ASPH: variants seen among roughly 807,000 people sequenced by gnomAD.
ASPH encodes aspartyl/asparaginyl beta-hydroxylase.
Under a neutral mutation model 118.4 loss-of-function variants are expected in ASPH, and 100 were observed. That is an observed-to-expected ratio of 0.84 (90% CI 0.72 to 1.00). The LOEUF (loss-of-function observed/expected upper bound fraction) is 1.00, where lower values mean the gene tolerates loss of function less well. ASPH is among the 50% of genes least tolerant of loss of function. The pLI is 0.00. For synonymous variants in ASPH, 315 were observed against 325.6 expected, an observed-to-expected ratio of 0.97 and a Z score of 0.35; for missense variants, 920 against 919.5, an observed-to-expected ratio of 1.00 and a Z score of -0.01.
chr8:61,648,356 G>C (rs1385658386), intron 5 of ASPH, among the ~76,000 whole-genome samples: 2 of 152,150 alleles, frequency 1.3e-5, no homozygotes, highest in African/African-American at 4.8e-5. Context: ...ATGCTCTCAG[G>C]TGTTAGAGAA....
At chr8:61,536,849 G>A (rs972134923) in intron 21 of ASPH, among the ~76,000 whole-genome samples, 4 of 152,162 alleles carry the variant, frequency 2.6e-5, no homozygotes, top group African/African-American at 4.8e-5. Context: ...ACTGCAGGTT[G>A]TGGGTCAAAA....
intron 12 of ASPH, among the ~76,000 whole-genome samples, chr8:61,636,966 G>A (rs547527486): frequency 9.2e-5 from 14 of 152,022 alleles, no homozygotes; most frequent in Non-Finnish European, 1.6e-4. Flanking sequence ...GCAGCTAAGC[G>A]GACACAGACA....
chr8:61,633,566 C>T, intron 13 of ASPH, 117 bp downstream of exon 13: 1 of 833,820 alleles, frequency 1.2e-6, no homozygotes, highest in East Asian at 2.8e-5. Context: ...AATTAAGGTA[C>T]AGTTAATCTC....
chr8:61,674,899 C>G (rs1420293577), intron 3 of ASPH, among the ~76,000 whole-genome samples: 4 of 152,118 alleles, frequency 2.6e-5, no homozygotes, highest in Non-Finnish European at 5.9e-5. Flanking sequence ...TAAGCAAAAT[C>G]CTAGAGAAGC....
chr8:61,561,956 G>A (rs1364754551), intron 18 of ASPH, among the ~76,000 whole-genome samples: 1 of 152,128 alleles, frequency 6.6e-6, no homozygotes, highest in African/African-American at 2.4e-5. Flanking sequence ...AAACAAAACT[G>A]TAGCAGAAAT....
intron 3 of ASPH, among the ~76,000 whole-genome samples, chr8:61,672,061 G>A (rs147926805): frequency 2.6e-5 from 4 of 152,280 alleles, no homozygotes; most frequent in African/African-American, 4.8e-5. Context: ...CTGGAACATC[G>A]TAATCATTTC....
At chr8:61,546,631 G>A (rs1429663435) in intron 21 of ASPH, among the ~76,000 whole-genome samples, 2 of 152,124 alleles carry the variant, frequency 1.3e-5, no homozygotes, top group Non-Finnish European at 2.9e-5. Context: ...CTAACCAATG[G>A]CAGCCTATTT....
chr8:61,640,302 T>C (rs1293139705), intron 10 of ASPH, among the ~76,000 whole-genome samples: 5 of 152,208 alleles, frequency 3.3e-5, no homozygotes, highest in Admixed American at 2.0e-4. Context: ...AGTCTGTTTG[T>C]TGCATGCCAG....
intron 14 of ASPH, among the ~76,000 whole-genome samples, chr8:61,603,934 G>A (rs553665077): frequency 7.2e-5 from 11 of 152,154 alleles, no homozygotes; most frequent in Non-Finnish European, 1.0e-4. Flanking sequence ...GGTAGACAGC[G>A]AAAAATATTT....
Position 61,714,512 on chromosome 8 carries a change from A to C in ASPH, c.-141T>G. The C allele has an allele frequency of 1.6e-6, 2 of 1,227,230 alleles. No homozygotes were observed. Among genetic ancestry groups the C allele is most frequent in the Non-Finnish European group, 2.1e-6 (2 of 955,058 alleles). 76.0% of individuals were successfully genotyped at this position (1,227,230 alleles called of 1,614,324 possible). ...GCTCCTGCAGCAGACCCTGTGCCTC[A>C]GCACCGCCTGCAGCACCTGGGAAGA... On this transcript the variant is annotated 5_prime_UTR_variant, in exon 1 of 25. Transcript: ENST00000379454.
At chr8:61,527,025 A>G (rs1343475300) in intron 21 of ASPH, among the ~76,000 whole-genome samples, 1 of 152,244 alleles carries the variant, frequency 6.6e-6, no homozygotes, top group African/African-American at 2.4e-5. Context: ...TCTGTGTTCT[A>G]TGAGAAATGG....
At chr8:61,697,053 A>G (rs547326177) in intron 1 of ASPH, among the ~76,000 whole-genome samples, 1 of 152,276 alleles carries the variant, frequency 6.6e-6, no homozygotes, top group Non-Finnish European at 1.5e-5. Flanking sequence ...TTCTGGAGCA[A>G]AAGAATCCAG....
chr8:61,674,260 T>C (rs1311347602), intron 3 of ASPH, among the ~76,000 whole-genome samples: 1 of 152,178 alleles, frequency 6.6e-6, no homozygotes, highest in Non-Finnish European at 1.5e-5. Context: ...AACTTTGATA[T>C]TTCATAGTAC....
intron 21 of ASPH, among the ~76,000 whole-genome samples, chr8:61,530,023 T>C (rs1472767099): frequency 1.3e-5 from 2 of 152,220 alleles, no homozygotes. Context: ...CGTATGTGTG[T>C]GCAGAAGAGA....
chr8:61,610,721 G>A (rs1049037810), intron 14 of ASPH, among the ~76,000 whole-genome samples: 2 of 152,280 alleles, frequency 1.3e-5, no homozygotes, highest in South Asian at 4.1e-4. Flanking sequence ...AAAATTACTA[G>A]GCATAGTGGT....
At chr8:61,516,439 G>A (rs1810943958) in intron 24 of ASPH, among the ~76,000 whole-genome samples, 1 of 152,158 alleles carries the variant, frequency 6.6e-6, no homozygotes, top group Non-Finnish European at 1.5e-5. Flanking sequence ...ACAGCACCAT[G>A]GGCTGCCCAG....
chr8:61,665,710 A>C, intron 3 of ASPH: 1 of 1,205,440 alleles, frequency 8.3e-7, no homozygotes, highest in Non-Finnish European at 1.1e-6. Flanking sequence ...CTCTCCACAC[A>C]CAGGAAATGC....
At chr8:61,548,040 C>A in intron 21 of ASPH, 31 bp downstream of exon 21, 1 of 1,572,316 alleles carries the variant, frequency 6.4e-7, no homozygotes, top group Non-Finnish European at 8.6e-7. Context: ...AGACAAAGAT[C>A]TGGTGAGGAT....
chr8:61,510,746 G>A (rs1017564092), intron 24 of ASPH, among the ~76,000 whole-genome samples: 9 of 152,160 alleles, frequency 5.9e-5, no homozygotes, highest in African/African-American at 2.2e-4. Flanking sequence ...AATGAAAGAA[G>A]AGGAAAAAAT....
Sources: allele counts gnomAD v4.1 joint callset (sites outside exome capture counted in the v4.1 genomes callset), GRCh38; gene constraint gnomAD v4.1.1; transcripts MANE v1.5; gene names NCBI Gene and HGNC (gene_info 2026-07-23, HGNC 2026-07-21).